The following MGAT4C variants were observed in gnomAD, a reference collection of about 807,000 sequenced individuals.
MGAT4C encodes the protein MGAT4 family member C.
A neutral mutation model predicts 40.1 loss-of-function variants in MGAT4C; 19 were observed. The observed-to-expected ratio is 0.47, with a 90% confidence interval of 0.33 to 0.70. The LOEUF (loss-of-function observed/expected upper bound fraction) is 0.70, where lower values mean the gene tolerates loss of function less well. MGAT4C is among the 30% of genes least tolerant of loss of function. The pLI, the probability that MGAT4C is intolerant of heterozygous loss-of-function variation, is 0.02. For synonymous variants in MGAT4C, 181 were observed against 187.1 expected, an observed-to-expected ratio of 0.97 and a Z score of 0.27; for missense variants, 491 against 563.2, an observed-to-expected ratio of 0.87 and a Z score of 1.30.
At chr12:86,288,096 A>T (rs1953401685) in intron 4 of MGAT4C, among the ~76,000 whole-genome samples, 1 of 152,132 alleles carries the variant, frequency 6.6e-6, no homozygotes, top group Admixed American at 6.5e-5. Flanking sequence ...TTCTCTAATG[A>T]CCAGTGATGA....
chr12:85,975,331 A>G lies in MGAT4C; in HGVS notation c.*3958T>C, dbSNP rs1282423026. 1 of 151,034 alleles carries G rather than the reference A, an allele frequency of 6.6e-6. No individual in the cohort carries two copies. Among genetic ancestry groups the G allele is most frequent in the Non-Finnish European group, 1.5e-5 (1 of 67,188 alleles). The allele number at this position is 151,034 out of a possible 1,614,324, so 9.4% of individuals were successfully genotyped here. A position where few individuals can be genotyped will look rare whatever the true frequency, so the allele number is the denominator to read the frequency against. On this transcript the variant is annotated 3_prime_UTR_variant, in exon 5 of 5. Coordinates refer to ENST00000611864, the MANE Select transcript of MGAT4C (RefSeq NM_001351288.2). Reference sequence around the variant, plus strand: ...TTTCCAGGGTCATATCCTGTTACATATACGTGACATGGATAAAAAGGAAAC... The same window carrying G: ...TTTCCAGGGTCATATCCTGTTACATGTACGTGACATGGATAAAAAGGAAAC...
chr12:86,078,345 C>T (rs1314229384), intron 1 of MGAT4C, among the ~76,000 whole-genome samples: 1 of 152,170 alleles, frequency 6.6e-6, no homozygotes, highest in Non-Finnish European at 1.5e-5. Flanking sequence ...GAGCATGAGC[C>T]CACTGCTGCA....
intron 2 of MGAT4C, among the ~76,000 whole-genome samples, chr12:86,436,124 A>G (rs1957132496): frequency 6.6e-6 from 1 of 151,892 alleles, no homozygotes; most frequent in African/African-American, 2.4e-5. Flanking sequence ...AAGCGTTACC[A>G]GCAGTACCAC....
At chr12:86,693,665 T>G (rs561113206) in intron 2 of MGAT4C, among the ~76,000 whole-genome samples, 1 of 152,188 alleles carries the variant, frequency 6.6e-6, no homozygotes, top group South Asian at 2.1e-4. Flanking sequence ...AATGTAACAA[T>G]TAAGATTAAA....
intron 1 of MGAT4C, among the ~76,000 whole-genome samples, chr12:86,063,584 T>C (rs949969519): frequency 4.6e-5 from 7 of 152,124 alleles, no homozygotes; most frequent in African/African-American, 1.4e-4. Context: ...ACCGACAAAC[T>C]GGATAAAGAG....
chr12:86,338,263 C>T (rs1954831501), intron 3 of MGAT4C, among the ~76,000 whole-genome samples: 2 of 152,022 alleles, frequency 1.3e-5, no homozygotes, highest in South Asian at 4.2e-4. Flanking sequence ...CTGTCTCTTC[C>T]CGCTGAGTCA....
At chr12:86,756,624 T>C (rs1951308713) in intron 1 of MGAT4C, among the ~76,000 whole-genome samples, 1 of 152,102 alleles carries the variant, frequency 6.6e-6, no homozygotes, top group Non-Finnish European at 1.5e-5. Context: ...AAACTAAAAC[T>C]AAAAAAGTTA....
intron 1 of MGAT4C, among the ~76,000 whole-genome samples, chr12:86,101,785 C>A (rs1355858550): frequency 1.3e-5 from 2 of 151,844 alleles, no homozygotes; most frequent in Non-Finnish European, 2.9e-5. Flanking sequence ...TGCTACTCTA[C>A]CAACTGACTT....
At chr12:86,394,479 T>C (rs1038221790) in intron 3 of MGAT4C, among the ~76,000 whole-genome samples, 24 of 143,546 alleles carry the variant, frequency 1.7e-4, no homozygotes, top group Non-Finnish European at 1.5e-5. Flanking sequence ...TATACTTTTT[T>C]ATATATATAC....
intron 3 of MGAT4C, among the ~76,000 whole-genome samples, chr12:86,421,340 A>C (rs1013824252): frequency 6.6e-6 from 1 of 152,210 alleles, no homozygotes; most frequent in Admixed American, 6.5e-5. Context: ...TACATTCATC[A>C]AATTCATTAT....
At chr12:86,670,521 C>A (rs892198530) in intron 2 of MGAT4C, among the ~76,000 whole-genome samples, 10 of 150,832 alleles carry the variant, frequency 6.6e-5, no homozygotes, top group Non-Finnish European at 3.0e-5. Flanking sequence ...ACTAGTCAGA[C>A]AAAAATAAAG....
chr12:86,029,505 C>T (rs1890544729), intron 2 of MGAT4C, among the ~76,000 whole-genome samples: 1 of 151,984 alleles, frequency 6.6e-6, no homozygotes, highest in Non-Finnish European at 1.5e-5. Flanking sequence ...ATACAAACTT[C>T]TGTTTCAGCT....
At chr12:86,332,613 C>T (rs2405930) in intron 4 of MGAT4C, among the ~76,000 whole-genome samples, 34 of 151,756 alleles carry the variant, frequency 2.2e-4, no homozygotes, top group African/African-American at 8.0e-4. Context: ...AAAGCCATAT[C>T]GTAATTGGGA....
At chr12:86,318,874 G>A (rs1436921652) in intron 4 of MGAT4C, among the ~76,000 whole-genome samples, 1 of 152,052 alleles carries the variant, frequency 6.6e-6, no homozygotes, top group Non-Finnish European at 1.5e-5. Flanking sequence ...CAAGAGGTGA[G>A]ACTTCCAGTT....
chr12:86,069,585 T>A (rs768995529), intron 1 of MGAT4C, among the ~76,000 whole-genome samples: 15 of 152,180 alleles, frequency 9.9e-5, no homozygotes, highest in Non-Finnish European at 2.2e-4. Flanking sequence ...ATATTCTTAT[T>A]CTCAGTTGAT....
At chr12:86,178,927 T>G (rs1887787743) in intron 1 of MGAT4C, among the ~76,000 whole-genome samples, 1 of 152,204 alleles carries the variant, frequency 6.6e-6, no homozygotes, top group Admixed American at 6.5e-5. Flanking sequence ...GTTTTCTGAT[T>G]TTCTCCTGAA....
At chr12:86,479,409 G>A (rs1202609385) in intron 2 of MGAT4C, among the ~76,000 whole-genome samples, 1 of 151,898 alleles carries the variant, frequency 6.6e-6, no homozygotes, top group Non-Finnish European at 1.5e-5. Context: ...GGTAAAGTGA[G>A]TAGGGCTGGT....
intron 1 of MGAT4C, among the ~76,000 whole-genome samples, chr12:86,245,702 T>C (rs191675378): frequency 7.9e-4 from 120 of 152,322 alleles, no homozygotes; most frequent in African/African-American, 2.7e-3. Context: ...TGTTAGCTCC[T>C]AGGGTTAGTA....
At chr12:86,161,193 A>T (rs919636230) in intron 1 of MGAT4C, among the ~76,000 whole-genome samples, 6 of 152,154 alleles carry the variant, frequency 3.9e-5, no homozygotes, top group African/African-American at 1.4e-4. Context: ...AAGAGCCCAA[A>T]TAGCCAAAGC....
Sources: gnomAD v4.1 joint callset for allele counts (sites outside exome capture counted in the v4.1 genomes callset) on GRCh38, gnomAD v4.1.1 for gene constraint, MANE v1.5 for transcripts, NCBI Gene and HGNC (gene_info 2026-07-23, HGNC 2026-07-21) for gene names.